Variants in SEMA3C observed in about 807,000 individuals in gnomAD.
SEMA3C encodes the protein semaphorin 3C, also known as semaphorin-3C.
In SEMA3C, 47 loss-of-function variants were observed where a neutral mutation model predicts 89.4. The ratio of observed to expected loss-of-function variants is 0.53; its 90% confidence interval spans 0.42 to 0.67. The LOEUF (loss-of-function observed/expected upper bound fraction) is 0.67. Among genes scored for constraint, SEMA3C ranks in the 30% least tolerant of loss-of-function variants. The pLI, the probability that SEMA3C is intolerant of heterozygous loss-of-function variation, is 0.00. For missense variants in SEMA3C, 839 were observed against 929.1 expected (o/e 0.90, Z 1.26); for synonymous variants, 310 against 320.2 (o/e 0.97, Z 0.34).
At chr7:80,791,154 G>A (rs1241941005) in intron 11 of SEMA3C, among the ~76,000 whole-genome samples, 3 of 151,850 alleles carry the variant, frequency 2.0e-5, no homozygotes, top group Non-Finnish European at 4.4e-5. Flanking sequence ...AGCGTCAGCA[G>A]TTCTGGCAAG....
chr7:80,905,006 T>C (rs980918080), intron 2 of SEMA3C, among the ~76,000 whole-genome samples: 1 of 151,054 alleles, frequency 6.6e-6, no homozygotes, highest in African/African-American at 2.4e-5. Flanking sequence ...GGCCCTATAA[T>C]AGGGTGGCAA....
At chr7:80,915,857 A>C (rs922214856) in intron 2 of SEMA3C, 2 of 50,334 alleles carry the variant, frequency 4.0e-5, no homozygotes, top group Non-Finnish European at 6.2e-5. Context: ...ATGACACTAA[A>C]GTTTATGCAG....
chr7:80,905,574 G>C (rs1791994901), intron 2 of SEMA3C, among the ~76,000 whole-genome samples: 1 of 152,138 alleles, frequency 6.6e-6, no homozygotes, highest in South Asian at 2.1e-4. Context: ...CCTGCAATAA[G>C]TGTAAGTGCA....
intron 2 of SEMA3C, among the ~76,000 whole-genome samples, chr7:80,893,830 C>T (rs1364456564): frequency 6.6e-6 from 1 of 152,000 alleles, no homozygotes; most frequent in Non-Finnish European, 1.5e-5. Flanking sequence ...AAAAACCAAC[C>T]TATAAAAACT....
intron 2 of SEMA3C, among the ~76,000 whole-genome samples, chr7:80,887,288 G>C (rs1012995451): frequency 6.6e-6 from 1 of 151,968 alleles, no homozygotes; most frequent in African/African-American, 2.4e-5. Context: ...AATTCAATTT[G>C]GTATAACAGA....
At chr7:80,894,419 G>T (rs761329374) in intron 2 of SEMA3C, among the ~76,000 whole-genome samples, 31 of 151,998 alleles carry the variant, frequency 2.0e-4, no homozygotes, top group Non-Finnish European at 3.5e-4. Flanking sequence ...AATTTTACAT[G>T]ATTTAGTTTT....
chr7:80,768,796 G>C (rs1015036494), intron 12 of SEMA3C, among the ~76,000 whole-genome samples: 18 of 152,144 alleles, frequency 1.2e-4, no homozygotes, highest in African/African-American at 4.1e-4. Flanking sequence ...TTGTGTGTGT[G>C]TGTGTGTGTG....
At chr7:80,788,888 G>C (rs893051477) in intron 12 of SEMA3C, among the ~76,000 whole-genome samples, 7 of 152,128 alleles carry the variant, frequency 4.6e-5, no homozygotes, top group Admixed American at 3.9e-4. Context: ...CTTCGGTTAT[G>C]TCTAGATGCA....
intron 12 of SEMA3C, 111 bp from the exon 13 acceptor site, chr7:80,765,354 A>C: frequency 1.3e-6 from 1 of 752,728 alleles, no homozygotes; most frequent in Non-Finnish European, 2.2e-6. Context: ...TAGTAATCAA[A>C]AAACATTGTA....
chr7:80,772,446 A>G (rs929231699), intron 12 of SEMA3C, among the ~76,000 whole-genome samples: 4 of 152,230 alleles, frequency 2.6e-5, no homozygotes, highest in African/African-American at 9.6e-5. Context: ...CACGTTTAGC[A>G]GGGTTTCTCA....
chr7:80,900,716 G>T (rs1021982601), intron 2 of SEMA3C, among the ~76,000 whole-genome samples: 7 of 152,180 alleles, frequency 4.6e-5, no homozygotes, highest in African/African-American at 1.7e-4. Context: ...ACAAGGCAAA[G>T]ATAAAGGTTG....
At chr7:80,845,686 T>A (rs2115903100) in intron 2 of SEMA3C, among the ~76,000 whole-genome samples, 1 of 152,304 alleles carries the variant, frequency 6.6e-6, no homozygotes, top group Non-Finnish European at 1.5e-5. Flanking sequence ...ATGAGCCTTC[T>A]ACTTGCTCTT....
chr7:80,820,937 T>C (rs1313243184), intron 4 of SEMA3C, among the ~76,000 whole-genome samples: 3 of 152,160 alleles, frequency 2.0e-5, no homozygotes, highest in Non-Finnish European at 4.4e-5. Context: ...TATGTCTCTC[T>C]CATCTTGGGT....
chr7:80,755,646 C>T (rs1788048989), intron 15 of SEMA3C, among the ~76,000 whole-genome samples: 1 of 151,838 alleles, frequency 6.6e-6, no homozygotes, highest in South Asian at 2.1e-4. Context: ...GATTATATTG[C>T]AGGTGTTAGA....
At chr7:80,873,260 T>C (rs1342298441) in intron 2 of SEMA3C, among the ~76,000 whole-genome samples, 4 of 152,210 alleles carry the variant, frequency 2.6e-5, no homozygotes, top group Non-Finnish European at 5.9e-5. Flanking sequence ...TATAAACTGG[T>C]TGCAGAGCAG....
chr7:80,841,765 T>C (rs1406729822), intron 2 of SEMA3C, among the ~76,000 whole-genome samples: 1 of 152,176 alleles, frequency 6.6e-6, no homozygotes, highest in South Asian at 2.1e-4. Flanking sequence ...AAAAATATTA[T>C]AAACTATATA....
rs572742655 is a variant in SEMA3C at position 80,876,200 on chromosome 7, A to C, written c.103+40479T>G. ...ATAATTCCTCTAATCTATTTTTAGT[A>C]ACTTTAGAATTTTAGATATTCTTAT... On this transcript the variant is annotated intron_variant, in intron 2 of 17. Coordinates refer to ENST00000265361, the MANE Select transcript of SEMA3C (RefSeq NM_006379.5). Among the ~76,000 whole-genome samples, 227 of 152,324 alleles carry C rather than the reference A, an allele frequency of 1.5e-3. 1 individual carries two copies. The highest frequency in any genetic ancestry group is 4.5e-3 in the African/African-American group (188 of 41,570).
At chr7:80,757,709 G>A (rs147578252) in intron 15 of SEMA3C, among the ~76,000 whole-genome samples, 47 of 152,314 alleles carry the variant, frequency 3.1e-4, no homozygotes, top group African/African-American at 6.5e-4. Flanking sequence ...GGTGGCTCAC[G>A]CCTGTAATCC....
At chr7:80,917,186 A>G (rs1256878047) in intron 1 of SEMA3C, among the ~76,000 whole-genome samples, 2 of 152,198 alleles carry the variant, frequency 1.3e-5, no homozygotes, top group Non-Finnish European at 2.9e-5. Context: ...CTAAAAGAAT[A>G]TTACTGGATG....
Sources: allele counts gnomAD v4.1 joint callset (sites outside exome capture counted in the v4.1 genomes callset), GRCh38; gene constraint gnomAD v4.1.1; transcripts MANE v1.5; gene names NCBI Gene and HGNC (gene_info 2026-07-23, HGNC 2026-07-21).